The following TSPEAR variants were observed in gnomAD, a reference collection of about 807,000 sequenced individuals.
The protein encoded by TSPEAR is thrombospondin type laminin G domain and EAR repeats, also known as thrombospondin-type laminin G domain and EAR repeat-containing protein.
In TSPEAR, 69 loss-of-function variants were observed where a neutral mutation model predicts 71.6. That is an observed-to-expected ratio of 0.96 (90% CI 0.79 to 1.18). The LOEUF is 1.18. Ranked by LOEUF, TSPEAR falls within the 50% of genes most tolerant of loss-of-function variation. The pLI is 0.00. For missense variants in TSPEAR, 971 were observed against 894.9 expected, an observed-to-expected ratio of 1.09 and a Z score of -1.09; for synonymous variants, 402 against 387.2, an observed-to-expected ratio of 1.04 and a Z score of -0.45.
At chr21:44,702,768 A>G (rs1987720055) in intron 1 of TSPEAR, 3 of 1,347,172 alleles carry the variant, frequency 2.2e-6, no homozygotes, top group East Asian at 2.3e-5. Context: ...TGGCCTGCTG[A>G]GGCCTCTGCT....
intron 8 of TSPEAR, among the ~76,000 whole-genome samples, chr21:44,523,375 G>A (rs1331500442): frequency 5.3e-5 from 8 of 151,288 alleles, no homozygotes; most frequent in Admixed American, 6.6e-5. Flanking sequence ...AGTCAGTAAG[G>A]TAGTCAGTTG....
At chr21:44,549,792 G>A (rs1555918260) in intron 2 of TSPEAR, among the ~76,000 whole-genome samples, 1 of 152,254 alleles carries the variant, frequency 6.6e-6, no homozygotes. Flanking sequence ...GGGCCTTGCT[G>A]TTCCCACCGG....
chr21:44,538,895 A>G (rs1161396291), intron 2 of TSPEAR: 8 of 296,310 alleles, frequency 2.7e-5, no homozygotes, highest in Non-Finnish European at 4.4e-5. Flanking sequence ...AGGTTAAGTC[A>G]CTCATTCCTA....
At chr21:44,672,104 GA>G (rs1307689128) in intron 1 of TSPEAR, among the ~76,000 whole-genome samples, 1 of 151,806 alleles carries the variant, frequency 6.6e-6, no homozygotes, top group Non-Finnish European at 1.5e-5. Flanking sequence ...TCAAGCAGAA[GA>G]AAAAATTTCA....
At chr21:44,589,753 G>A (rs1445397817) in intron 1 of TSPEAR, among the ~76,000 whole-genome samples, 2 of 152,210 alleles carry the variant, frequency 1.3e-5, no homozygotes, top group African/African-American at 4.8e-5. Flanking sequence ...ACATGGAGGA[G>A]GTCAGAGAGC....
chr21:44,523,451 T>C (rs147130153), intron 8 of TSPEAR, among the ~76,000 whole-genome samples: 1 of 151,772 alleles, frequency 6.6e-6, no homozygotes, highest in East Asian at 1.9e-4. Flanking sequence ...AGTTAGGTAG[T>C]TAATAAGGTA....
chr21:44,504,892 A>T lies in TSPEAR; in HGVS notation c.1755-11T>A. ...TCCCAGTCCAGAGCACTGCAGGAACAAGTGGGTGGATATTAGGACACAACA... is the reference window on the plus strand; with the variant it reads ...TCCCAGTCCAGAGCACTGCAGGAACTAGTGGGTGGATATTAGGACACAACA... On this transcript the variant is annotated splice_polypyrimidine_tract_variant and intron_variant, in intron 10 of 11. Coordinates refer to ENST00000323084, the MANE Select transcript of TSPEAR (RefSeq NM_144991.3). 6.2e-7 allele frequency: 1 copy of T among 1,601,750 alleles called. No homozygotes were observed. The highest frequency in any genetic ancestry group is 8.6e-7 in the Non-Finnish European group (1 of 1,169,098).
intron 1 of TSPEAR, among the ~76,000 whole-genome samples, chr21:44,651,274 C>T (rs1238100590): frequency 6.6e-6 from 1 of 152,282 alleles, no homozygotes; most frequent in East Asian, 1.9e-4. Flanking sequence ...CTCCCCCACA[C>T]AGCCCCAGAC....
intron 1 of TSPEAR, among the ~76,000 whole-genome samples, chr21:44,598,889 T>C (rs1980552297): frequency 6.6e-6 from 1 of 152,190 alleles, no homozygotes; most frequent in South Asian, 2.1e-4. Flanking sequence ...TATCCAGAAT[T>C]GTTTTGTTTC....
intron 11 of TSPEAR, among the ~76,000 whole-genome samples, chr21:44,503,046 G>C (rs1264355517): frequency 1.4e-5 from 2 of 143,772 alleles, no homozygotes; most frequent in Admixed American, 6.9e-5. Context: ...GGGAAGCAAG[G>C]CTCTGGGAGG....
In TSPEAR at chr21:44,499,586, G is replaced by A. The variant is rs2145898617; in HGVS notation, c.*197C>T. On this transcript the variant is annotated 3_prime_UTR_variant, in exon 12 of 12. Transcript: ENST00000323084. ...GCAAGACCAGACCGTCACTGGGGCT[G>A]TGGCTCAGAAGGACTCAGAGGTGGA... is the stretch of plus-strand genomic sequence containing the variant. 1 of 553,950 alleles carries A rather than the reference G, an allele frequency of 1.8e-6. No homozygotes were observed. Among genetic ancestry groups the A allele is most frequent in the Non-Finnish European group, 3.1e-6 (1 of 323,506 alleles). 34.3% of individuals were successfully genotyped at this position (553,950 alleles called of 1,614,324 possible).
chr21:44,542,977 G>C (rs1489583084), intron 2 of TSPEAR, among the ~76,000 whole-genome samples: 1 of 151,850 alleles, frequency 6.6e-6, no homozygotes, highest in Non-Finnish European at 1.5e-5. Context: ...AAAGGCAGAG[G>C]ACAATGGAAT....
rs112216822 is a variant in TSPEAR, at chr21:44,604,156, G to A, written c.83-36151C>T. 7.6e-3 allele frequency among the ~76,000 whole-genome samples: 1,151 copies of A among 152,314 alleles called. 13 individuals are homozygous for A. The highest frequency in any genetic ancestry group is 0.026 in the African/African-American group (1,071 of 41,566). ...TTGCCGGGCTATCTTGGAGGCTCACGTGCCAGAGAGTGGGTCCACAAGGTA... is the reference window on the plus strand; with the variant it reads ...TTGCCGGGCTATCTTGGAGGCTCACATGCCAGAGAGTGGGTCCACAAGGTA... On this transcript the variant is annotated intron_variant, in intron 1 of 11. Coordinates refer to ENST00000323084, the MANE Select transcript of TSPEAR (RefSeq NM_144991.3).
intron 1 of TSPEAR, among the ~76,000 whole-genome samples, chr21:44,613,433 G>A (rs1555931746): frequency 6.6e-6 from 1 of 152,170 alleles, no homozygotes; most frequent in Non-Finnish European, 1.5e-5. Flanking sequence ...ATTCGCTGTA[G>A]TGCCCTGGGC....
intron 1 of TSPEAR, chr21:44,574,835 CTCCGTGTCCCTCCTCT>C (rs1978324501): frequency 6.2e-7 from 1 of 1,614,044 alleles, no homozygotes; most frequent in Non-Finnish European, 8.5e-7. Context: ...GACCCTCCTC[CTCCGTGTCCCTCCTCT>C]GCCGCCCCGT....
At chr21:44,539,626 G>A in intron 2 of TSPEAR, 4 of 1,613,692 alleles carry the variant, frequency 2.5e-6, no homozygotes, top group Non-Finnish European at 3.4e-6. Context: ...AGGGGGAGGA[G>A]GTGCAGCAAG....
chr21:44,631,139 G>A (rs1236595098), intron 1 of TSPEAR, among the ~76,000 whole-genome samples: 11 of 151,500 alleles, frequency 7.3e-5, no homozygotes, highest in African/African-American at 2.7e-4. Context: ...GAATTTACTC[G>A]ACAAAGTCTT....
At chr21:44,608,303 G>C (rs1284875566) in intron 1 of TSPEAR, among the ~76,000 whole-genome samples, 1 of 152,190 alleles carries the variant, frequency 6.6e-6, no homozygotes, top group African/African-American at 2.4e-5. Flanking sequence ...GTACACTAAA[G>C]CCAGCATGCC....
intron 9 of TSPEAR, among the ~76,000 whole-genome samples, chr21:44,514,546 G>C (rs782528342): frequency 6.6e-6 from 1 of 152,184 alleles, no homozygotes; most frequent in Admixed American, 6.5e-5. Flanking sequence ...GAAGCACCAA[G>C]CTTTGGAAGC....
Sources: gnomAD v4.1 joint callset for allele counts (sites outside exome capture counted in the v4.1 genomes callset) on GRCh38, gnomAD v4.1.1 for gene constraint, MANE v1.5 for transcripts, NCBI Gene and HGNC (gene_info 2026-07-23, HGNC 2026-07-21) for gene names.